Variants in YEATS2 observed in about 807,000 individuals in gnomAD.
YEATS2 encodes YEATS domain-containing protein 2.
A neutral mutation model predicts 163.2 loss-of-function variants in YEATS2; 77 were observed. That is an observed-to-expected ratio of 0.47 (90% CI 0.39 to 0.57). The LOEUF is 0.57. Ranked by LOEUF, YEATS2 falls within the 20% of genes least tolerant of loss-of-function variation. The pLI is 0.00. For synonymous variants in YEATS2, 631 were observed against 645.1 expected (o/e 0.98, Z 0.33); for missense variants, 1,549 against 1,729.8 (o/e 0.90, Z 1.85).
At chr3:183,746,867 C>T (rs1719601254) in intron 8 of YEATS2, among the ~76,000 whole-genome samples, 1 of 151,976 alleles carries the variant, frequency 6.6e-6, no homozygotes, top group African/African-American at 2.4e-5. Context: ...CCTTTAAAAC[C>T]TTGTATTTAC....
intron 8 of YEATS2, among the ~76,000 whole-genome samples, chr3:183,745,713 G>A (rs1268593975): frequency 1.3e-5 from 2 of 152,126 alleles, no homozygotes; most frequent in Non-Finnish European, 2.9e-5. Flanking sequence ...CTGACAGGTA[G>A]TCATTTACTC....
Position 183,762,128 on chromosome 3 carries a change from C to G in YEATS2, c.1796C>G (p.Pro599Arg). ...ATCAAACAGGAACCTGGTGAAGCCC[C>G]TCACGTGCCCGCAACAGGAGCTGCC... ...VIIKQEPGEA[P>R]HVPATGAASQ... The change falls in exon 15 of 31, where the codon CCT becomes CGT. Residue 599 changes from proline (P) to arginine (R), a missense_variant. Coordinates refer to ENST00000305135, the MANE Select transcript of YEATS2 (RefSeq NM_018023.5). 6.2e-7 allele frequency: 1 copy of G among 1,614,106 alleles called. No homozygotes were observed. Among genetic ancestry groups the G allele is most frequent in the East Asian group, 2.2e-5 (1 of 44,866 alleles).
chr3:183,726,279 C>G (rs376549904), intron 6 of YEATS2, among the ~76,000 whole-genome samples: 1 of 152,188 alleles, frequency 6.6e-6, no homozygotes, highest in African/African-American at 2.4e-5. Context: ...TTTGACTACT[C>G]TGAACCAGTT....
rs1182271612 is a variant in YEATS2, at chr3:183,758,736, A to G, written c.1553-126A>G. 2.2e-5 allele frequency: 16 copies of G among 721,474 alleles called. No individual in the cohort carries two copies. In the East Asian group the frequency reaches 3.7e-4, roughly 17 times the overall value. 44.7% of individuals were successfully genotyped at this position (721,474 alleles called of 1,614,324 possible). A position where few individuals can be genotyped will look rare whatever the true frequency, so the allele number is the denominator to read the frequency against. ...TTCCATACTAGTTTCAGCCTTAACA[A>G]TGAGTTTTCAACCCTTAAACATGAA... On this transcript the variant is annotated intron_variant, in intron 12 of 30. Transcript: ENST00000305135.
chr3:183,752,450 C>G (rs1173820082), intron 10 of YEATS2, among the ~76,000 whole-genome samples, 197 bp downstream of exon 10: 1 of 152,102 alleles, frequency 6.6e-6, no homozygotes, highest in African/African-American at 2.4e-5. Context: ...TGGTTCACAC[C>G]TGTAATCCCA....
At position 183,779,701 on chromosome 3, in the gene YEATS2, T is replaced by C. The variant is rs546366918; in HGVS notation, c.2736+2001T>C. On this transcript the variant is annotated intron_variant, in intron 19 of 30. Transcript: ENST00000305135. ...CTTTATTTTTATTTATTTATTTATT[T>C]TTTATATATTTTTTTGAGACACAGC... Among the ~76,000 whole-genome samples, 49 of 151,846 alleles carry C rather than the reference T, an allele frequency of 3.2e-4. No individual in the cohort carries two copies. The South Asian group carries it at 8.9e-3, about 28-fold the overall frequency.
At chr3:183,777,220 T>C (rs1234302974) in intron 18 of YEATS2, among the ~76,000 whole-genome samples, 1 of 152,212 alleles carries the variant, frequency 6.6e-6, no homozygotes, top group Non-Finnish European at 1.5e-5. Context: ...AGTAATAGAA[T>C]TTTGGTTCCA....
At chr3:183,712,585 A>G (rs1040842531) in intron 1 of YEATS2, among the ~76,000 whole-genome samples, 1 of 152,082 alleles carries the variant, frequency 6.6e-6, no homozygotes, top group Non-Finnish European at 1.5e-5. Context: ...GTGGTAGAAC[A>G]GAGATTTGGA....
intron 17 of YEATS2, among the ~76,000 whole-genome samples, chr3:183,774,172 C>T (rs1287218320): frequency 6.6e-6 from 1 of 152,142 alleles, no homozygotes; most frequent in African/African-American, 2.4e-5. Flanking sequence ...GGATTGGAAT[C>T]GAGTGTGTCT....
chr3:183,759,893 T>C (rs894981558), intron 13 of YEATS2, among the ~76,000 whole-genome samples: 2 of 152,250 alleles, frequency 1.3e-5, no homozygotes, highest in East Asian at 1.9e-4. Context: ...TCCTTTTCCA[T>C]GTGTTAACCG....
chr3:183,733,735 G>C (rs1577077758), intron 7 of YEATS2, among the ~76,000 whole-genome samples: 1 of 152,254 alleles, frequency 6.6e-6, no homozygotes, highest in Non-Finnish European at 1.5e-5. Context: ...CACATTACCT[G>C]ACAAAGAGGT....
intron 5 of YEATS2, among the ~76,000 whole-genome samples, chr3:183,723,164 CT>C (rs1716715480): frequency 6.6e-6 from 1 of 152,210 alleles, no homozygotes; most frequent in South Asian, 2.1e-4. Flanking sequence ...TGCTTTAGTA[CT>C]TTAGTAGATG....
chr3:183,796,148 A>AT (rs1176974770), intron 21 of YEATS2, among the ~76,000 whole-genome samples: 5,107 of 96,042 alleles, frequency 0.053, 245 homozygotes, highest in African/African-American at 0.12. Flanking sequence ...ATGCCCGGCT[A>AT]TTTTTTTTTT....
intron 8 of YEATS2, among the ~76,000 whole-genome samples, chr3:183,742,761 C>A (rs1344096374): frequency 6.6e-6 from 1 of 152,218 alleles, no homozygotes; most frequent in Non-Finnish European, 1.5e-5. Flanking sequence ...GGATAAAACA[C>A]TGTCAAACAG....
chr3:183,806,864 A>G lies in YEATS2; in HGVS notation c.3785-2A>G. 2 of 1,613,974 alleles carry G rather than the reference A, an allele frequency of 1.2e-6. No homozygotes were observed. Among genetic ancestry groups the G allele is most frequent in the East Asian group, 4.5e-5 (2 of 44,884 alleles). ...TTGTAACACTGCTTGCCTGTCATTTAGAGTGCCCATCATCATTCTCCTCTG... is the reference window on the plus strand; with the variant it reads ...TTGTAACACTGCTTGCCTGTCATTTGGAGTGCCCATCATCATTCTCCTCTG... On this transcript the variant is annotated splice_acceptor_variant, in intron 27 of 30. Coordinates refer to ENST00000305135, the MANE Select transcript of YEATS2 (RefSeq NM_018023.5). LOFTEE classifies it high-confidence loss of function.
At chr3:183,770,813 A>G (rs1722381077) in intron 15 of YEATS2, among the ~76,000 whole-genome samples, 1 of 152,218 alleles carries the variant, frequency 6.6e-6, no homozygotes, top group Non-Finnish European at 1.5e-5. Flanking sequence ...GTCTGTTTAC[A>G]CTAATATATC....
chr3:183,725,321 T>C (rs748707541), intron 6 of YEATS2, among the ~76,000 whole-genome samples: 7 of 152,188 alleles, frequency 4.6e-5, no homozygotes, highest in Non-Finnish European at 8.8e-5. Context: ...CAGTAGAGAA[T>C]GGTAAATCCT....
In YEATS2 at chr3:183,760,383, G is replaced by A. The variant is rs1416501419; in HGVS notation, c.1657-1124G>A. Among the ~76,000 whole-genome samples, 6 of 141,682 alleles carry A rather than the reference G, an allele frequency of 4.2e-5. No individual in the cohort carries two copies. The East Asian group carries it at 7.2e-4, about 17-fold the overall frequency. The allele number at this position is 141,682 out of a possible 152,430, so 92.9% of individuals were successfully genotyped here. A position where few individuals can be genotyped will look rare whatever the true frequency, so the allele number is the denominator to read the frequency against. ...GTTGCCAAGGCTGGAGTGCAGTGGC[G>A]CAATCTTGGCTCACTGCAACCTCCT... On this transcript the variant is annotated intron_variant, in intron 13 of 30. Transcript: ENST00000305135.
At chr3:183,805,522 G>T (rs1726100199) in intron 27 of YEATS2, among the ~76,000 whole-genome samples, 1 of 152,068 alleles carries the variant, frequency 6.6e-6, no homozygotes, top group Non-Finnish European at 1.5e-5. Context: ...AAGACTTAGG[G>T]CCGGGCTCAG....
Sources: gnomAD v4.1 joint callset for allele counts (sites outside exome capture counted in the v4.1 genomes callset) on GRCh38, gnomAD v4.1.1 for gene constraint, MANE v1.5 for transcripts, NCBI Gene and HGNC (gene_info 2026-07-23, HGNC 2026-07-21) for gene names.